DENND1A: variants seen among roughly 807,000 people sequenced by gnomAD.
The protein encoded by DENND1A is DENN domain-containing protein 1A.
Under a neutral mutation model 113.7 loss-of-function variants are expected in DENND1A, and 51 were observed. The observed-to-expected ratio is 0.45, with a 90% CI of 0.36 to 0.57. The LOEUF (loss-of-function observed/expected upper bound fraction) is 0.57. Ranked by LOEUF, DENND1A falls within the 20% of genes least tolerant of loss-of-function variation. DENND1A has a pLI of 0.00. For missense variants in DENND1A, 1,258 were observed against 1,395.9 expected, an observed-to-expected ratio of 0.90 and a Z score of 1.57; for synonymous variants, 565 against 570.8, an observed-to-expected ratio of 0.99 and a Z score of 0.14.
intron 13 of DENND1A, among the ~76,000 whole-genome samples, chr9:123,504,186 G>A (rs1207042667): frequency 6.6e-6 from 1 of 152,184 alleles, no homozygotes; most frequent in African/African-American, 2.4e-5. Flanking sequence ...AGCCTGGAAT[G>A]AGTTGCCCTT....
At chr9:123,403,309 A>C in intron 21 of DENND1A, 93 bp downstream of exon 21, 3 of 1,347,132 alleles carry the variant, frequency 2.2e-6, no homozygotes, top group Non-Finnish European at 3.1e-6. Context: ...GGGAAGCCTC[A>C]CAAAGGCCGG....
rs1187928120 is a variant in DENND1A at position 123,411,783 on chromosome 9, G to A, written c.1535C>T (p.Ser512Leu). 2 of 985,826 alleles carry A rather than the reference G, an allele frequency of 2.0e-6. No homozygotes were observed. Among genetic ancestry groups the A allele is most frequent in the African/African-American group, 1.7e-5 (1 of 57,210 alleles). The allele number at this position is 985,826 out of a possible 1,614,324, so 61.1% of individuals were successfully genotyped here. A position where few individuals can be genotyped will look rare whatever the true frequency, so the allele number is the denominator to read the frequency against. The change falls in exon 20 of 24, where the codon TCG becomes TTG. Residue 512 changes from serine to leucine, a missense_variant. By Grantham distance (145) the Ser-to-Leu change is moderately radical. This residue lies in a region of DENND1A where 1,159 missense variants were observed against 1,231.7 expected (regional missense o/e 0.94). Transcript: ENST00000394215. Reference sequence around the variant, plus strand: ...GAACCACCAGCTACTCACGGGCCTCGAGCGCTGTATCTTGGGAGGCGGTCG... The same window carrying A: ...GAACCACCAGCTACTCACGGGCCTCAAGCGCTGTATCTTGGGAGGCGGTCG... ...PTRPPPKIQRSRPVRPPRPHV... is the reference protein window; with the variant it reads ...PTRPPPKIQRLRPVRPPRPHV...
chr9:123,538,495 T>C (rs898740084), intron 13 of DENND1A, among the ~76,000 whole-genome samples: 1 of 151,910 alleles, frequency 6.6e-6, no homozygotes, highest in Non-Finnish European at 1.5e-5. Context: ...GGGTAGGATG[T>C]ACAAGATAAG....
intron 2 of DENND1A, among the ~76,000 whole-genome samples, chr9:123,869,913 G>C (rs1359991457): frequency 1.3e-5 from 2 of 149,858 alleles, no homozygotes; most frequent in Non-Finnish European, 3.0e-5. Flanking sequence ...GATCACCTAA[G>C]TCTGGAAGGT....
intron 19 of DENND1A, among the ~76,000 whole-genome samples, chr9:123,428,780 C>G (rs1277723686): frequency 2.0e-5 from 3 of 152,172 alleles, no homozygotes; most frequent in Admixed American, 6.5e-5. Context: ...CATGAATGAA[C>G]TCCCATTCAC....
Position 123,541,984 on chromosome 9 carries a change from C to T in DENND1A, c.993+15586G>A, listed in dbSNP as rs114894148. ...CAGTGCACACACAGTGCCTCTCCAACACTCAAATATTCCATCGAACACTTT... is the reference window on the plus strand; with the variant it reads ...CAGTGCACACACAGTGCCTCTCCAATACTCAAATATTCCATCGAACACTTT... On this transcript the variant is annotated intron_variant, in intron 13 of 23. Transcript: ENST00000394215. Among the ~76,000 whole-genome samples the T allele has an allele frequency of 5.4e-3, 823 of 152,362 alleles. 9 individuals carry two copies. The highest frequency in any genetic ancestry group is 0.019 in the African/African-American group (782 of 41,586).
At chr9:123,877,109 G>A (rs1201302812) in intron 2 of DENND1A, among the ~76,000 whole-genome samples, 2 of 152,134 alleles carry the variant, frequency 1.3e-5, no homozygotes, top group Non-Finnish European at 2.9e-5. Context: ...TTCAGGTGAT[G>A]GGTACACTAA....
intron 13 of DENND1A, among the ~76,000 whole-genome samples, chr9:123,540,652 G>T (rs944097550): frequency 1.3e-5 from 2 of 152,186 alleles, no homozygotes; most frequent in Non-Finnish European, 2.9e-5. Context: ...GTCCAAGCTG[G>T]CAAGATGCTT....
intron 13 of DENND1A, among the ~76,000 whole-genome samples, chr9:123,474,931 A>C (rs957503543): frequency 2.6e-5 from 4 of 152,178 alleles, no homozygotes; most frequent in Non-Finnish European, 5.9e-5. Flanking sequence ...TTGGGGAGGC[A>C]CTCATCTTTT....
intron 13 of DENND1A, among the ~76,000 whole-genome samples, chr9:123,536,389 G>T (rs1046044594): frequency 2.0e-5 from 3 of 149,924 alleles, no homozygotes; most frequent in Admixed American, 2.0e-4. Context: ...AGAATTGCTT[G>T]AACCCGGGAG....
At chr9:123,558,766 C>T (rs980809597) in intron 12 of DENND1A, among the ~76,000 whole-genome samples, 4 of 152,354 alleles carry the variant, frequency 2.6e-5, no homozygotes, top group South Asian at 2.1e-4. Flanking sequence ...CAAGATGCCA[C>T]GCTTCAGAGC....
intron 4 of DENND1A, among the ~76,000 whole-genome samples, chr9:123,765,011 G>C (rs1256361011): frequency 1.3e-5 from 2 of 152,178 alleles, no homozygotes; most frequent in African/African-American, 4.8e-5. Context: ...GGTTTAGAAA[G>C]GAGAGCAGGG....
chr9:123,804,117 G>GT (rs1267775295), intron 2 of DENND1A, among the ~76,000 whole-genome samples: 7 of 152,222 alleles, frequency 4.6e-5, no homozygotes, highest in African/African-American at 1.7e-4. Flanking sequence ...AATTATAAGG[G>GT]TGGGTCTTTC....
chr9:123,752,357 A>G lies in DENND1A; in HGVS notation c.302+5346T>C, dbSNP rs2070127471. On this transcript the variant is annotated intron_variant, in intron 5 of 23. Transcript: ENST00000394215. ...ATTGAATAAAAATTTAAAAAGTTAA[A>G]CTAAAAAAATTTAGACAGCATCTTG... 2.0e-5 allele frequency among the ~76,000 whole-genome samples: 3 copies of G among 152,380 alleles called. No individual in the cohort carries two copies. The East Asian group carries it at 5.8e-4, about 29-fold the overall frequency.
intron 13 of DENND1A, among the ~76,000 whole-genome samples, chr9:123,509,161 C>T (rs544277315): frequency 1.3e-5 from 2 of 152,226 alleles, no homozygotes; most frequent in African/African-American, 4.8e-5. Context: ...AAACACAAGC[C>T]CGTACACACA....
intron 9 of DENND1A, among the ~76,000 whole-genome samples, chr9:123,649,755 T>C (rs59772551): frequency 0.39 from 59,731 of 152,052 alleles, 13,373 homozygotes; most frequent in African/African-American, 0.61. Context: ...TGCATCTGTT[T>C]TTTGTGTTTG....
At chr9:123,687,517 C>A (rs1338165516) in intron 5 of DENND1A, among the ~76,000 whole-genome samples, 1 of 152,158 alleles carries the variant, frequency 6.6e-6, no homozygotes, top group African/African-American at 2.4e-5. Context: ...GTGCAAGGAA[C>A]ATTAAAATAA....
At chr9:123,640,639 G>A (rs1411140067) in intron 9 of DENND1A, among the ~76,000 whole-genome samples, 1 of 152,228 alleles carries the variant, frequency 6.6e-6, no homozygotes, top group Non-Finnish European at 1.5e-5. Context: ...TTTATGGCCT[G>A]CAAGGATGAG....
intron 13 of DENND1A, among the ~76,000 whole-genome samples, chr9:123,506,451 G>A (rs897791515): frequency 5.9e-5 from 9 of 151,590 alleles, no homozygotes; most frequent in African/African-American, 1.9e-4. Context: ...GCATGGTGGC[G>A]TGCACCTGTA....
Sources: gnomAD v4.1 joint callset for allele counts (sites outside exome capture counted in the v4.1 genomes callset) on GRCh38, gnomAD v4.1.1 for gene constraint, gnomAD v4.1.1 regional missense constraint, MANE v1.5 for transcripts, NCBI Gene and HGNC (gene_info 2026-07-23, HGNC 2026-07-21) for gene names.